The following PCDHGA5 variants were observed in gnomAD, a reference collection of about 807,000 sequenced individuals.
PCDHGA5 encodes protocadherin gamma-A5.
PCDHGA5 carries 36 observed loss-of-function variants against 56.7 expected under a neutral mutation model. The observed-to-expected ratio is 0.64, with a 90% CI of 0.49 to 0.84. PCDHGA5 has a LOEUF of 0.84. Ranked by LOEUF, PCDHGA5 falls within the 40% of genes least tolerant of loss-of-function variation. PCDHGA5 has a pLI of 0.00. For synonymous variants in PCDHGA5, 563 were observed against 520.2 expected (o/e 1.08, Z -1.12); for missense variants, 1,305 against 1,201.5 (o/e 1.09, Z -1.27).
At position 141,477,763 on chromosome 5, in the gene PCDHGA5, C is replaced by A. The variant is rs763322593; in HGVS notation, c.2422-17044C>A. On this transcript the variant is annotated intron_variant, in intron 1 of 3. Coordinates refer to ENST00000518069, the MANE Select transcript of PCDHGA5 (RefSeq NM_018918.3). The surrounding 1 kb of genome is among the most constrained non-coding windows in gnomAD (Gnocchi z 4.9). ...ATGGGGGCACCCCGGTCCTAGCCAC[C>A]AACATCAGCGTGAACATATTTGTCA... 5.0e-6 allele frequency: 8 copies of A among 1,613,894 alleles called. No homozygotes were observed. The East Asian group carries it at 1.6e-4, about 31-fold the overall frequency.
At position 141,431,176 on chromosome 5, in the gene PCDHGA5, A is replaced by G; in HGVS notation, c.2422-63631A>G. On this transcript the variant is annotated intron_variant, in intron 1 of 3. Coordinates refer to ENST00000518069, the MANE Select transcript of PCDHGA5 (RefSeq NM_018918.3). The surrounding 1 kb of genome is among the most constrained non-coding windows in gnomAD (Gnocchi z 4.8). Reference sequence around the variant, plus strand: ...CTTACTTTCGTGAAAGTGAATTAGAAATAAAAATTAGTGAAAATGCAGCCA... The same window carrying G: ...CTTACTTTCGTGAAAGTGAATTAGAGATAAAAATTAGTGAAAATGCAGCCA... The G allele has an allele frequency of 1.2e-6, 2 of 1,614,212 alleles. No individual in the cohort carries two copies. Among genetic ancestry groups the G allele is most frequent in the Non-Finnish European group, 1.7e-6 (2 of 1,180,032 alleles).
chr5:141,389,070 T>C, intron 1 of PCDHGA5: 1 of 1,613,964 alleles, frequency 6.2e-7, no homozygotes, highest in South Asian at 1.1e-5. Flanking sequence ...ATTAACTTCT[T>C]CAAGAAACAC....
At chr5:141,474,447 G>A (rs1263877262) in intron 1 of PCDHGA5, among the ~76,000 whole-genome samples, 1 of 152,218 alleles carries the variant, frequency 6.6e-6, no homozygotes, top group Non-Finnish European at 1.5e-5. Flanking sequence ...AGTAGCAAGT[G>A]ATTGGGCTAT....
chr5:141,479,324 C>G (rs2099492748), intron 1 of PCDHGA5: 1 of 152,556 alleles, frequency 6.6e-6, no homozygotes, highest in Admixed American at 6.5e-5. Context: ...TAGCCAGACT[C>G]AGTGGTGTGC....
intron 1 of PCDHGA5, chr5:141,374,861 C>T (rs1252622215): frequency 1.9e-6 from 3 of 1,613,638 alleles, no homozygotes; most frequent in Non-Finnish European, 2.5e-6. Flanking sequence ...AGTAGGCACA[C>T]CAGTGTTGGC....
intron 1 of PCDHGA5, chr5:141,423,880 G>T: frequency 7.8e-7 from 1 of 1,282,292 alleles, no homozygotes; most frequent in Non-Finnish European, 9.9e-7. Flanking sequence ...TTTCAATCTT[G>T]GCATATTTTC....
chr5:141,411,538 C>G (rs1418802121), intron 1 of PCDHGA5: 1 of 152,268 alleles, frequency 6.6e-6, no homozygotes, highest in Non-Finnish European at 1.5e-5. Context: ...GAGCCCTGAT[C>G]TTGCCACTGC....
At chr5:141,452,046 T>C (rs767493861) in intron 1 of PCDHGA5, among the ~76,000 whole-genome samples, 1 of 152,242 alleles carries the variant, frequency 6.6e-6, no homozygotes, top group Non-Finnish European at 1.5e-5. Context: ...TAACTCCATT[T>C]GTAATAACTT....
chr5:141,452,749 G>A (rs1453824335), intron 1 of PCDHGA5, among the ~76,000 whole-genome samples: 1 of 152,052 alleles, frequency 6.6e-6, no homozygotes, highest in African/African-American at 2.4e-5. Flanking sequence ...AGAGAAGGAA[G>A]AAGGAAGGGA....
At position 141,366,651 on chromosome 5, in the gene PCDHGA5, A is replaced by C. The variant is rs767855798; in HGVS notation, c.2321A>C (p.Asn774Thr). 5 of 1,614,244 alleles carry C rather than the reference A, an allele frequency of 3.1e-6. No individual in the cohort carries two copies. Among genetic ancestry groups the C allele is most frequent in the Non-Finnish European group, 3.4e-6 (4 of 1,180,044 alleles). Reference protein sequence around the residue: ...RKSHLIFPQPNYADTLLSEES... With the variant: ...RKSHLIFPQPTYADTLLSEES... Reference sequence around the variant, plus strand: ...AGTCACCTGATCTTTCCCCAGCCCAACTACGCAGACACGCTCCTTAGTGAA... The same window carrying C: ...AGTCACCTGATCTTTCCCCAGCCCACCTACGCAGACACGCTCCTTAGTGAA... Residue 774 changes from asparagine to threonine, a missense_variant, in exon 1 of 4, where the codon AAC becomes ACC. By Grantham distance (65) the Asn-to-Thr change is moderately conservative. Coordinates refer to ENST00000518069, the MANE Select transcript of PCDHGA5 (RefSeq NM_018918.3).
chr5:141,389,048 T>C, intron 1 of PCDHGA5: 1 of 1,613,976 alleles, frequency 6.2e-7, no homozygotes, highest in East Asian at 2.2e-5. Context: ...AAGGTGATGT[T>C]CCATTTAAAA....
At chr5:141,495,278 C>A (rs2099760057) in intron 2 of PCDHGA5, among the ~76,000 whole-genome samples, 1 of 152,174 alleles carries the variant, frequency 6.6e-6, no homozygotes, top group Non-Finnish European at 1.5e-5. Context: ...CCGGAGGAGG[C>A]GGTCCGCACT....
At chr5:141,397,632 G>A (rs1338700585) in intron 1 of PCDHGA5, among the ~76,000 whole-genome samples, 2 of 152,222 alleles carry the variant, frequency 1.3e-5, no homozygotes, top group African/African-American at 4.8e-5. Context: ...CTAGCTAAGA[G>A]TTCAAGGTAT....
rs769551114 is a variant in PCDHGA5, at chr5:141,402,989, T to A, written c.2421+36238T>A. On this transcript the variant is annotated intron_variant, in intron 1 of 3. Coordinates refer to ENST00000518069, the MANE Select transcript of PCDHGA5 (RefSeq NM_018918.3). ...AACCAAATGCCAGCTCCGCGGAAGA[T>A]TAGTCCTGCTATGCTCGCTCCTGGG... The A allele has an allele frequency of 2.5e-6, 4 of 1,611,874 alleles. No homozygotes were observed. Among genetic ancestry groups the A allele is most frequent in the Non-Finnish European group, 3.4e-6 (4 of 1,179,236 alleles).
At position 141,511,411 on chromosome 5, in the gene PCDHGA5, A is replaced by G; in HGVS notation, c.*238A>G. On this transcript the variant is annotated 3_prime_UTR_variant, in exon 4 of 4. Coordinates refer to ENST00000518069, the MANE Select transcript of PCDHGA5 (RefSeq NM_018918.3). ...GAACCCCCATCCAATCAACTGCTGT[A>G]CCCATGGGGGTAGTGGGGTTACTGT... The G allele has an allele frequency of 1.1e-6, 1 of 901,334 alleles. No homozygotes were observed. Among genetic ancestry groups the G allele is most frequent in the Non-Finnish European group, 1.6e-6 (1 of 617,750 alleles). The allele number at this position is 901,334 out of a possible 1,614,324, so 55.8% of individuals were successfully genotyped here. A position where few individuals can be genotyped will look rare whatever the true frequency, so the allele number is the denominator to read the frequency against.
chr5:141,500,175 CA>C (rs762724660), intron 2 of PCDHGA5, among the ~76,000 whole-genome samples: 15 of 147,258 alleles, frequency 1.0e-4, no homozygotes, highest in Non-Finnish European at 1.5e-4. Flanking sequence ...GCATGAGCTT[CA>C]TTTTTATTTT....
Position 141,408,177 on chromosome 5 carries a change from G to A in PCDHGA5, c.2421+41426G>A, listed in dbSNP as rs1359754385. 7.2e-6 allele frequency: 11 copies of A among 1,534,346 alleles called. 1 individual carries two copies. In the South Asian group the frequency reaches 1.3e-4, roughly 19 times the overall value. ...GCACTTTCTCCAACTGGAAAAGCGGGGACCCAGCGAGAACCCGAGCGAACG... is the reference window on the plus strand; with the variant it reads ...GCACTTTCTCCAACTGGAAAAGCGGAGACCCAGCGAGAACCCGAGCGAACG... On this transcript the variant is annotated intron_variant, in intron 1 of 3. Transcript: ENST00000518069.
Position 141,486,859 on chromosome 5 carries a change from T to C in PCDHGA5, c.2422-7948T>C, listed in dbSNP as rs1231188225. ...TTGTGCTGGACCTCAATGACAATGC[T>C]CCAGCTGTGCTCCGTCCTCGGGCCC... On this transcript the variant is annotated intron_variant, in intron 1 of 3. Transcript: ENST00000518069. The surrounding 1 kb of genome is among the most constrained non-coding windows in gnomAD (Gnocchi z 5.0). The C allele has an allele frequency of 1.9e-6, 3 of 1,614,242 alleles. No individual in the cohort carries two copies. The highest frequency in any genetic ancestry group is 2.7e-5 in the African/African-American group (2 of 75,072).
intron 1 of PCDHGA5, chr5:141,478,925 G>T: frequency 1.4e-6 from 1 of 700,562 alleles, no homozygotes; most frequent in Non-Finnish European, 2.2e-6. Context: ...TCTAACCAGT[G>T]GCAGCTTCTA....
Sources: allele counts gnomAD v4.1 joint callset (sites outside exome capture counted in the v4.1 genomes callset), GRCh38; gene constraint gnomAD v4.1.1; non-coding constraint Gnocchi (gnomAD v3.1); transcripts MANE v1.5; gene names NCBI Gene and HGNC (gene_info 2026-07-23, HGNC 2026-07-21).